GRM5: variants seen among roughly 807,000 people sequenced by gnomAD.
GRM5 encodes glutamate metabotropic receptor 5.
In GRM5, 19 loss-of-function variants were observed where a neutral mutation model predicts 83.1. That is an observed-to-expected ratio of 0.23 (90% CI 0.16 to 0.34). GRM5 has a LOEUF of 0.34. Among genes scored for constraint, GRM5 ranks in the 10% least tolerant of loss-of-function variants. The pLI is 1.00. For missense variants in GRM5, 1,160 were observed against 1,588.3 expected, an observed-to-expected ratio of 0.73 and a Z score of 4.58; for synonymous variants, 675 against 633.6, an observed-to-expected ratio of 1.07 and a Z score of -0.98.
At chr11:88,744,315 A>G (rs1244892495) in intron 3 of GRM5, among the ~76,000 whole-genome samples, 4 of 152,200 alleles carry the variant, frequency 2.6e-5, no homozygotes, top group Admixed American at 2.0e-4. Context: ...ACAGGGAGAC[A>G]TTAACAGCTA....
At chr11:88,995,464 G>T (rs994935399) in intron 2 of GRM5, among the ~76,000 whole-genome samples, 2 of 142,244 alleles carry the variant, frequency 1.4e-5, no homozygotes, top group African/African-American at 5.3e-5. Flanking sequence ...AGAATCACTT[G>T]AACCCGGGAG....
intron 2 of GRM5, among the ~76,000 whole-genome samples, chr11:89,022,255 T>C (rs1003390549): frequency 1.3e-5 from 2 of 152,114 alleles, no homozygotes; most frequent in African/African-American, 2.4e-5. Flanking sequence ...TCAACTATTT[T>C]GATATTATAG....
intron 3 of GRM5, among the ~76,000 whole-genome samples, chr11:88,830,994 AC>A (rs1943981471): frequency 1.3e-5 from 2 of 151,646 alleles, no homozygotes; most frequent in Middle Eastern, 3.4e-3. Context: ...GAAAGACCTG[AC>A]CCCCATGATT....
At chr11:88,866,744 C>T (rs1944672711) in intron 2 of GRM5, among the ~76,000 whole-genome samples, 2 of 152,040 alleles carry the variant, frequency 1.3e-5, no homozygotes, top group South Asian at 2.1e-4. Context: ...GCTTTTGTTG[C>T]CTTTGCTGTT....
chr11:88,711,457 C>T (rs1430639003), intron 3 of GRM5, among the ~76,000 whole-genome samples: 2 of 152,086 alleles, frequency 1.3e-5, no homozygotes, highest in East Asian at 1.9e-4. Flanking sequence ...AGGAATATGT[C>T]TAATCAAATG....
intron 2 of GRM5, among the ~76,000 whole-genome samples, chr11:88,968,393 G>T (rs949441869): frequency 4.6e-5 from 7 of 152,066 alleles, no homozygotes; most frequent in Non-Finnish European, 5.9e-5. Flanking sequence ...ACTGCTAAAG[G>T]GTTCAAGGAC....
At chr11:88,610,287 G>A (rs545664889) in intron 4 of GRM5, among the ~76,000 whole-genome samples, 79 of 152,256 alleles carry the variant, frequency 5.2e-4, no homozygotes, top group Non-Finnish European at 9.9e-4. Flanking sequence ...AAATAGCAAT[G>A]TATCTGTAAA....
chr11:88,687,587 T>TA (rs1478149920), intron 3 of GRM5, among the ~76,000 whole-genome samples: 3 of 79,854 alleles, frequency 3.8e-5, no homozygotes, highest in Non-Finnish European at 6.5e-5. Context: ...ATAATATATA[T>TA]ATATATATAT....
intron 2 of GRM5, among the ~76,000 whole-genome samples, chr11:88,995,425 G>T (rs1186089887): frequency 6.6e-6 from 1 of 151,298 alleles, no homozygotes; most frequent in Non-Finnish European, 1.5e-5. Context: ...GGCACCTGTA[G>T]TCCCAGCTAC....
At chr11:88,617,424 A>G (rs1938513609) in intron 4 of GRM5, among the ~76,000 whole-genome samples, 1 of 152,182 alleles carries the variant, frequency 6.6e-6, no homozygotes, top group South Asian at 2.1e-4. Flanking sequence ...TTTCCCCAAT[A>G]TCTTCAGATT....
intron 7 of GRM5, among the ~76,000 whole-genome samples, chr11:88,583,014 T>C (rs1414069587): frequency 1.3e-5 from 2 of 152,022 alleles, no homozygotes; most frequent in African/African-American, 4.8e-5. Context: ...AATCTCAACC[T>C]TAAAGGATTA....
At chr11:89,055,495 A>G (rs1941853407) in intron 1 of GRM5, among the ~76,000 whole-genome samples, 1 of 152,134 alleles carries the variant, frequency 6.6e-6, no homozygotes, top group African/African-American at 2.4e-5. Flanking sequence ...TAAGGAAAAT[A>G]GCATCACAAA....
chr11:88,891,005 AG>A (rs1945135260), intron 2 of GRM5, among the ~76,000 whole-genome samples: 1 of 152,170 alleles, frequency 6.6e-6, no homozygotes, highest in Non-Finnish European at 1.5e-5. Flanking sequence ...ATAAAGCTAC[AG>A]GTTTAAGCAT....
chr11:88,748,934 A>T (rs1194915311), intron 3 of GRM5, among the ~76,000 whole-genome samples: 1 of 152,258 alleles, frequency 6.6e-6, no homozygotes, highest in African/African-American at 2.4e-5. Context: ...CAGAAACCCC[A>T]TTCAAAGGTC....
At chr11:89,034,985 TAATA>T (rs1941352240) in intron 2 of GRM5, among the ~76,000 whole-genome samples, 2 of 151,508 alleles carry the variant, frequency 1.3e-5, no homozygotes, top group South Asian at 4.2e-4. Flanking sequence ...AGTTTTAACA[TAATA>T]TATAATGGAA....
intron 2 of GRM5, among the ~76,000 whole-genome samples, chr11:88,939,752 A>G (rs551511670): frequency 6.6e-6 from 1 of 151,986 alleles, no homozygotes; most frequent in East Asian, 1.9e-4. Context: ...TAATGAATAA[A>G]CAAATGTTGA....
chr11:88,852,669 T>C (rs547130538), intron 2 of GRM5, among the ~76,000 whole-genome samples: 2 of 152,190 alleles, frequency 1.3e-5, no homozygotes, highest in East Asian at 3.9e-4. Flanking sequence ...CAAAAACTGC[T>C]CTAAGAAAGA....
intron 1 of GRM5, among the ~76,000 whole-genome samples, chr11:89,064,946 G>GATAT (rs1317779491): frequency 2.0e-5 from 2 of 100,514 alleles, no homozygotes; most frequent in African/African-American, 7.5e-5. Context: ...GAGAGGGAGA[G>GATAT]AGAGATATTA....
At chr11:88,949,652 G>T (rs1189733035) in intron 2 of GRM5, among the ~76,000 whole-genome samples, 3 of 151,992 alleles carry the variant, frequency 2.0e-5, no homozygotes, top group East Asian at 3.9e-4. Flanking sequence ...GATTTTTAAA[G>T]AAAGTTAAAG....
Sources: allele counts gnomAD v4.1 joint callset (sites outside exome capture counted in the v4.1 genomes callset), GRCh38; gene constraint gnomAD v4.1.1; transcripts MANE v1.5; gene names NCBI Gene and HGNC (gene_info 2026-07-23, HGNC 2026-07-21).